The following TMEM232 variants were observed in gnomAD, a reference collection of about 807,000 sequenced individuals.
TMEM232 encodes transmembrane protein 232.
TMEM232 carries 80 observed loss-of-function variants against 78.8 expected under a neutral mutation model. That is an observed-to-expected ratio of 1.01 (90% CI 0.85 to 1.22). The LOEUF is 1.22. Among genes scored for constraint, TMEM232 ranks in the 50% most tolerant of loss-of-function variants. The pLI is 0.00. For synonymous variants in TMEM232, 297 were observed against 254.3 expected, an observed-to-expected ratio of 1.17 and a Z score of -1.60; for missense variants, 881 against 742.2, an observed-to-expected ratio of 1.19 and a Z score of -2.17.
chr5:110,434,869 A>C (rs1758251934), intron 12 of TMEM232, among the ~76,000 whole-genome samples: 1 of 152,062 alleles, frequency 6.6e-6, no homozygotes, highest in African/African-American at 2.4e-5. Context: ...GCCATTCATC[A>C]ATAAATTCAG....
intron 8 of TMEM232, 139 bp downstream of exon 8, chr5:110,618,290 C>A: frequency 9.6e-7 from 1 of 1,042,662 alleles, no homozygotes; most frequent in Non-Finnish European, 1.4e-6. Flanking sequence ...TGTAAATTGC[C>A]ATTGCCTTTG....
chr5:110,654,563 G>C (rs942975275), intron 2 of TMEM232, among the ~76,000 whole-genome samples: 1 of 152,198 alleles, frequency 6.6e-6, no homozygotes, highest in Non-Finnish European at 1.5e-5. Flanking sequence ...TTGTAGTATA[G>C]TTTGAAGTCA....
intron 1 of TMEM232, among the ~76,000 whole-genome samples, chr5:110,710,552 A>G (rs72773175): frequency 0.077 from 11,795 of 152,204 alleles, 520 homozygotes; most frequent in Admixed American, 0.12. Context: ...CATCATGACG[A>G]AGAGAAATTT....
At chr5:110,503,176 C>T (rs1766462920) in intron 12 of TMEM232, among the ~76,000 whole-genome samples, 1 of 152,120 alleles carries the variant, frequency 6.6e-6, no homozygotes, top group Non-Finnish European at 1.5e-5. Context: ...TGTCTTGTCT[C>T]CAATGTCAAT....
chr5:110,417,225 A>G (rs1246563816), downstream of TMEM232, among the ~76,000 whole-genome samples: 1 of 152,196 alleles, frequency 6.6e-6, no homozygotes, highest in African/African-American at 2.4e-5. Context: ...GAGATACGTT[A>G]ACACTTTTTA....
chr5:110,453,259 A>G (rs904586938), intron 12 of TMEM232, among the ~76,000 whole-genome samples: 3 of 152,110 alleles, frequency 2.0e-5, no homozygotes, highest in Non-Finnish European at 4.4e-5. Context: ...CTCAGATACA[A>G]GATATCTGAC....
chr5:110,568,771 C>T, intron 10 of TMEM232, 146 bp from the exon 11 acceptor site: 1 of 749,852 alleles, frequency 1.3e-6, no homozygotes, highest in South Asian at 2.2e-5. Context: ...ATTTCTGACC[C>T]TTCACTGCTT....
chr5:110,455,430 T>C (rs1274114836), intron 12 of TMEM232, among the ~76,000 whole-genome samples: 1 of 151,226 alleles, frequency 6.6e-6, no homozygotes, highest in East Asian at 1.9e-4. Flanking sequence ...CAGGCTGGAG[T>C]GCAGTGGCGC....
At chr5:110,605,657 T>G (rs563283258) in intron 9 of TMEM232, among the ~76,000 whole-genome samples, 28 of 152,286 alleles carry the variant, frequency 1.8e-4, no homozygotes, top group African/African-American at 6.5e-4. Flanking sequence ...CCTTTTGATA[T>G]ACAACTCCAT....
chr5:110,675,199 C>A (rs1032951819), intron 1 of TMEM232, among the ~76,000 whole-genome samples: 2 of 152,076 alleles, frequency 1.3e-5, no homozygotes, highest in Admixed American at 1.3e-4. Flanking sequence ...CGCACGTCAC[C>A]ATGCCCAGCT....
chr5:110,676,304 T>A (rs918664094), intron 1 of TMEM232, among the ~76,000 whole-genome samples: 3 of 152,146 alleles, frequency 2.0e-5, no homozygotes, highest in African/African-American at 4.8e-5. Flanking sequence ...GATGGTTGGT[T>A]CCTAAGGTAG....
At chr5:110,494,289 T>C (rs945613144) in intron 12 of TMEM232, among the ~76,000 whole-genome samples, 1 of 151,902 alleles carries the variant, frequency 6.6e-6, no homozygotes, top group Non-Finnish European at 1.5e-5. Flanking sequence ...ATAAAATAAA[T>C]AAGCCAAAAA....
At chr5:110,576,641 G>A (rs1777603074) in intron 10 of TMEM232, among the ~76,000 whole-genome samples, 2 of 151,840 alleles carry the variant, frequency 1.3e-5, no homozygotes, top group African/African-American at 2.4e-5. Flanking sequence ...ACTATACTGC[G>A]GGGCTACATT....
At chr5:110,672,856 T>C (rs1401348894) in intron 1 of TMEM232, among the ~76,000 whole-genome samples, 1 of 152,130 alleles carries the variant, frequency 6.6e-6, no homozygotes, top group Non-Finnish European at 1.5e-5. Flanking sequence ...TTATTGCATG[T>C]ACAATAAGAC....
intron 12 of TMEM232, among the ~76,000 whole-genome samples, chr5:110,490,171 A>G (rs1281126248): frequency 7.1e-6 from 1 of 140,396 alleles, no homozygotes; most frequent in Non-Finnish European, 1.5e-5. Context: ...GAAAGAAAGA[A>G]AGAAAGAAAG....
chr5:110,531,438 G>C (rs75966920), intron 11 of TMEM232, among the ~76,000 whole-genome samples: 4,432 of 152,192 alleles, frequency 0.029, 73 homozygotes, highest in African/African-American at 0.048. Context: ...TCCTCATACC[G>C]ACCAGCCCAA....
chr5:110,487,011 C>T (rs1384361592), intron 12 of TMEM232, among the ~76,000 whole-genome samples: 4 of 151,846 alleles, frequency 2.6e-5, no homozygotes, highest in Non-Finnish European at 5.9e-5. Flanking sequence ...TGTAGTTTTC[C>T]TTCTAGAGGT....
At chr5:110,496,762 G>A (rs1477491388) in intron 12 of TMEM232, among the ~76,000 whole-genome samples, 1 of 151,792 alleles carries the variant, frequency 6.6e-6, no homozygotes, top group African/African-American at 2.4e-5. Context: ...TTAGGTAGTT[G>A]GATGAGGCCA....
chr5:110,638,985 A>C (rs1196180736), intron 4 of TMEM232, among the ~76,000 whole-genome samples: 2 of 152,216 alleles, frequency 1.3e-5, no homozygotes, highest in Non-Finnish European at 1.5e-5. Context: ...GAGCCTAGAG[A>C]AAACAGCTTC....
Sources: allele counts gnomAD v4.1 joint callset (sites outside exome capture counted in the v4.1 genomes callset), GRCh38; gene constraint gnomAD v4.1.1; transcripts MANE v1.5; gene names NCBI Gene and HGNC (gene_info 2026-07-23, HGNC 2026-07-21).